Variants in SOS1 observed in about 807,000 individuals in gnomAD.
The protein encoded by SOS1 is son of sevenless homolog 1.
In SOS1, 25 loss-of-function variants were observed where a neutral mutation model predicts 157.6. The observed-to-expected ratio is 0.16, with a 90% CI of 0.12 to 0.22. The LOEUF is 0.22. Among genes scored for constraint, SOS1 ranks in the 10% least tolerant of loss-of-function variants. The probability of loss-of-function intolerance (pLI) is 1.00; values close to 1 mark genes in which losing one functional copy is unlikely to be tolerated. For missense variants in SOS1, 1,237 were observed against 1,599.1 expected, an observed-to-expected ratio of 0.77 and a Z score of 3.86; for synonymous variants, 528 against 534.0, an observed-to-expected ratio of 0.99 and a Z score of 0.16.
chr2:39,003,274 T>C (rs1669172957), intron 17 of SOS1, among the ~76,000 whole-genome samples: 1 of 152,124 alleles, frequency 6.6e-6, no homozygotes, highest in African/African-American at 2.4e-5. Context: ...TAGATATAAA[T>C]TGAAGGCTAG....
chr2:39,123,193 G>A (rs1673954670), upstream of SOS1, among the ~76,000 whole-genome samples: 2 of 151,936 alleles, frequency 1.3e-5, no homozygotes, highest in Admixed American at 1.3e-4. Flanking sequence ...CCTCCAAGAG[G>A]CCTTCTCCGA....
At chr2:39,124,348 C>A (rs1282791003), upstream of SOS1, 1 of 152,284 alleles carries the variant, frequency 6.6e-6, no homozygotes, top group Non-Finnish European at 1.5e-5. Flanking sequence ...GGCTTCTTTT[C>A]GCTTCCCTCC....
intron 6 of SOS1, among the ~76,000 whole-genome samples, chr2:39,037,183 T>G (rs1670386102): frequency 6.6e-6 from 1 of 152,186 alleles, no homozygotes; most frequent in Non-Finnish European, 1.5e-5. Flanking sequence ...CACCAGAAAT[T>G]GGAGTCTATT....
intron 1 of SOS1, among the ~76,000 whole-genome samples, chr2:39,117,117 C>T (rs12995620): frequency 6.6e-6 from 1 of 151,198 alleles, no homozygotes; most frequent in African/African-American, 2.4e-5. Flanking sequence ...CAACCTCCGT[C>T]TTCCGGTTTC....
Position 39,069,600 on chromosome 2 carries a change from T to G in SOS1, c.88-1847A>C, listed in dbSNP as rs12615833. ...TCTCACCCTGTCACCCAGGCTGGAG[T>G]GCAGTGGTGTGATCTCGGCTCACTG... is the stretch of plus-strand genomic sequence containing the variant. On this transcript the variant is annotated intron_variant, in intron 1 of 22. Coordinates refer to ENST00000402219, the MANE Select transcript of SOS1 (RefSeq NM_005633.4). 0.015 allele frequency among the ~76,000 whole-genome samples: 2,243 copies of G among 152,016 alleles called. 277 individuals carry two copies. The East Asian group carries it at 0.3, about 21-fold the overall frequency.
chr2:38,997,022 A>C lies in SOS1; in HGVS notation c.2981T>G (p.Leu994Trp). Residue 994 changes from leucine to tryptophan, a missense_variant, in exon 19 of 23, where the codon TTG becomes TGG. Physicochemically the swap from Leu to Trp is moderately conservative, Grantham distance 61. Around this residue, in one of 15 missense-constraint regions of SOS1, gnomAD observed 34 missense variants for 28.1 expected, o/e 1.21. Coordinates refer to ENST00000402219, the MANE Select transcript of SOS1 (RefSeq NM_005633.4). Reference protein sequence around the residue: ...ESDIKRFFENLNPMGNSMEKE... With the variant: ...ESDIKRFFENWNPMGNSMEKE... Reference sequence around the variant, plus strand: ...CTCCATGCTATTTCCCATCGGATTCAAGTTTTCAAAGAACCTCTAAAATAA... The same window carrying C: ...CTCCATGCTATTTCCCATCGGATTCCAGTTTTCAAAGAACCTCTAAAATAA... The C allele has an allele frequency of 6.4e-7, 1 of 1,567,136 alleles. No homozygotes were observed. The highest frequency in any genetic ancestry group is 8.8e-7 in the Non-Finnish European group (1 of 1,138,584).
At chr2:39,082,037 T>C (rs1485896763) in intron 1 of SOS1, among the ~76,000 whole-genome samples, 1 of 152,180 alleles carries the variant, frequency 6.6e-6, no homozygotes, top group Non-Finnish European at 1.5e-5. Flanking sequence ...CTCAAGCATT[T>C]ACCCTTTGTG....
At chr2:39,036,186 T>C (rs370619999) in intron 6 of SOS1, among the ~76,000 whole-genome samples, 1 of 152,120 alleles carries the variant, frequency 6.6e-6, no homozygotes, top group Admixed American at 6.5e-5. Flanking sequence ...AAAACTATTA[T>C]GAAAATGGTG....
chr2:38,988,130 A>C lies in SOS1; in HGVS notation c.3392-539T>G, dbSNP rs557547678. Among the ~76,000 whole-genome samples, 329 of 152,250 alleles carry C rather than the reference A, an allele frequency of 2.2e-3. 1 individual carries two copies. Among genetic ancestry groups the C allele is most frequent in the African/African-American group, 7.5e-3 (312 of 41,550 alleles). ...GTGTCTAGGTGAGGGGCCTCTCCTCATTTTGTTTAGTTATAGGCTCCCCTT... is the reference window on the plus strand; with the variant it reads ...GTGTCTAGGTGAGGGGCCTCTCCTCCTTTTGTTTAGTTATAGGCTCCCCTT... On this transcript the variant is annotated intron_variant, in intron 21 of 22. Coordinates refer to ENST00000402219, the MANE Select transcript of SOS1 (RefSeq NM_005633.4).
chr2:39,012,432 A>G (rs1056633010), intron 13 of SOS1, 84 bp from the exon 14 acceptor site: 1 of 492,218 alleles, frequency 2.0e-6, no homozygotes, highest in Non-Finnish European at 3.2e-6. Flanking sequence ...AGTCACACGG[A>G]TGACACCTGA....
chr2:39,046,131 TATC>T (rs925460751), intron 6 of SOS1, among the ~76,000 whole-genome samples: 5 of 152,192 alleles, frequency 3.3e-5, no homozygotes, highest in African/African-American at 1.2e-4. Flanking sequence ...CATTTTATCT[TATC>T]ATTGTTTTTG....
At chr2:38,997,122 A>T in intron 18 of SOS1, 84 bp from the exon 19 acceptor site, 1 of 1,029,430 alleles carries the variant, frequency 9.7e-7, no homozygotes, top group Non-Finnish European at 1.5e-6. Context: ...GAAAACATTT[A>T]ATACAAGTAA....
At chr2:39,089,232 T>C (rs946007615) in intron 1 of SOS1, among the ~76,000 whole-genome samples, 18 of 152,104 alleles carry the variant, frequency 1.2e-4, no homozygotes, top group African/African-American at 4.3e-4. Context: ...TGTTCAAAAG[T>C]AGCCAACCTG....
intron 2 of SOS1, among the ~76,000 whole-genome samples, chr2:39,065,618 C>G (rs981957180): frequency 6.6e-6 from 1 of 152,096 alleles, no homozygotes; most frequent in Non-Finnish European, 1.5e-5. Context: ...CTCTAGTACC[C>G]TTTTCTCTCC....
In SOS1 at chr2:38,985,641, G is replaced by C. The variant is rs1668532566; in HGVS notation, c.*183C>G. The C allele has an allele frequency of 2.8e-6, 2 of 708,444 alleles. No homozygotes were observed. Among genetic ancestry groups the C allele is most frequent in the South Asian group, 3.5e-5 (2 of 57,138 alleles). The allele number at this position is 708,444 out of a possible 1,614,324, so 43.9% of individuals were successfully genotyped here. ...GTCGGTCTTTCCATATTCTAAACTG[G>C]AATACCATTTCCATTGTATAATTAC... On this transcript the variant is annotated 3_prime_UTR_variant, in exon 23 of 23. Transcript: ENST00000402219.
rs1022980880 is a variant in SOS1, at chr2:38,983,502, G to A, written c.*2322C>T. ...TGGGGTAGAAGAATAGTTCCCTTTG[G>A]GAGAAATAGGATTAGAACTCCAAAT... On this transcript the variant is annotated 3_prime_UTR_variant, in exon 23 of 23. Transcript: ENST00000402219. The A allele has an allele frequency of 6.6e-6, 1 of 152,092 alleles. No homozygotes were observed. Among genetic ancestry groups the A allele is most frequent in the African/African-American group, 2.4e-5 (1 of 41,430 alleles). The allele number at this position is 152,092 out of a possible 1,614,324, so 9.4% of individuals were successfully genotyped here.
chr2:39,030,715 G>T (rs1199997086), intron 8 of SOS1, among the ~76,000 whole-genome samples: 1 of 152,126 alleles, frequency 6.6e-6, no homozygotes, highest in East Asian at 1.9e-4. Flanking sequence ...TGTCCCCCAT[G>T]AAAGATGTAT....
upstream of SOS1, among the ~76,000 whole-genome samples, chr2:39,124,679 C>T (rs1156258217): frequency 2.0e-5 from 3 of 152,274 alleles, no homozygotes; most frequent in Non-Finnish European, 4.4e-5. Flanking sequence ...TGTTCAAGAA[C>T]TCACACTGGC....
chr2:39,108,654 C>T (rs1558517489), intron 1 of SOS1, among the ~76,000 whole-genome samples: 1 of 152,030 alleles, frequency 6.6e-6, no homozygotes, highest in Non-Finnish European at 1.5e-5. Flanking sequence ...TTTGGGAGGC[C>T]AAGGCAGGAG....
Sources: allele counts gnomAD v4.1 joint callset (sites outside exome capture counted in the v4.1 genomes callset), GRCh38; gene constraint gnomAD v4.1.1; regional missense constraint gnomAD v4.1.1; transcripts MANE v1.5; gene names NCBI Gene and HGNC (gene_info 2026-07-23, HGNC 2026-07-21).